The following GPR176 variants were observed in gnomAD, a reference collection of about 807,000 sequenced individuals.
GPR176 encodes G-protein coupled receptor 176.
A neutral mutation model predicts 35.4 loss-of-function variants in GPR176; 26 were observed. That is an observed-to-expected ratio of 0.74 (90% CI 0.54 to 1.02). The LOEUF is 1.02. Among genes scored for constraint, GPR176 ranks in the 50% least tolerant of loss-of-function variants. GPR176 has a pLI of 0.00. For synonymous variants in GPR176, 278 were observed against 271.3 expected (o/e 1.02, Z -0.24); for missense variants, 597 against 665.3 (o/e 0.90, Z 1.13).
At position 39,857,019 on chromosome 15, in the gene GPR176, A is replaced by G. The variant is rs138519388; in HGVS notation, c.173-49761T>C. 9.9e-4 allele frequency among the ~76,000 whole-genome samples: 150 copies of G among 152,216 alleles called. No homozygotes were observed. In the East Asian group the frequency reaches 0.019, roughly 19 times the overall value. On this transcript the variant is annotated intron_variant, in intron 1 of 2. Transcript: ENST00000561100. ...ACTGGTTGAGTTTGGGGAAGATTCCAGTGCACAGTAGGCATTCCATATATA... is the reference window on the plus strand; with the variant it reads ...ACTGGTTGAGTTTGGGGAAGATTCCGGTGCACAGTAGGCATTCCATATATA...
At chr15:39,894,267 C>A (rs2140863114) in intron 1 of GPR176, among the ~76,000 whole-genome samples, 1 of 111,876 alleles carries the variant, frequency 8.9e-6, no homozygotes, top group African/African-American at 2.8e-5. Context: ...GGGGCTGACC[C>A]CCCCACCTCC....
At chr15:39,906,566 C>G (rs2033428071) in intron 1 of GPR176, among the ~76,000 whole-genome samples, 1 of 152,240 alleles carries the variant, frequency 6.6e-6, no homozygotes, top group Non-Finnish European at 1.5e-5. Context: ...ACACATTATG[C>G]TGCCTGGTTT....
In GPR176 at chr15:39,800,830, A is replaced by C; in HGVS notation, c.*302T>G. The C allele has an allele frequency of 3.5e-6, 1 of 289,562 alleles. No individual in the cohort carries two copies. The highest frequency in any genetic ancestry group is 8.6e-5 in the East Asian group (1 of 11,632). 17.9% of individuals were successfully genotyped at this position (289,562 alleles called of 1,614,324 possible). On this transcript the variant is annotated 3_prime_UTR_variant, in exon 3 of 3. Transcript: ENST00000561100. ...CCCAGGGAAGTGAGGCATCCTCAGA[A>C]AGTGCACATGGGGTACCCACCTCAA...
chr15:39,885,391 T>C (rs1566962380), intron 1 of GPR176, among the ~76,000 whole-genome samples: 2 of 152,078 alleles, frequency 1.3e-5, no homozygotes, highest in Non-Finnish European at 2.9e-5. Flanking sequence ...AAAATGGAAA[T>C]GCAAAATAAA....
intron 1 of GPR176, among the ~76,000 whole-genome samples, chr15:39,886,242 A>G (rs1448868493): frequency 5.9e-5 from 9 of 152,092 alleles, no homozygotes; most frequent in Admixed American, 5.9e-4. Flanking sequence ...TCAAAAAAAA[A>G]AAGAAAGAAA....
chr15:39,917,048 G>A (rs2033743904), intron 1 of GPR176, among the ~76,000 whole-genome samples: 1 of 152,154 alleles, frequency 6.6e-6, no homozygotes, highest in Admixed American at 6.5e-5. Flanking sequence ...TCGGGAGGCT[G>A]CGGTGGGTTG....
Position 39,912,824 on chromosome 15 carries a change from T to C in GPR176, c.172+7031A>G, listed in dbSNP as rs1170889310. 2.0e-5 allele frequency among the ~76,000 whole-genome samples: 3 copies of C among 152,140 alleles called. No individual in the cohort carries two copies. The South Asian group carries it at 6.2e-4, about 31-fold the overall frequency. On this transcript the variant is annotated intron_variant, in intron 1 of 2. Transcript: ENST00000561100. ...TTCTTTGTTCCCATTTTGAGACAAA[T>C]TTCCTCCTAGTCTACAAAATGTCAC...
At chr15:39,826,493 C>A (rs1900660949) in intron 1 of GPR176, among the ~76,000 whole-genome samples, 1 of 152,054 alleles carries the variant, frequency 6.6e-6, no homozygotes, top group South Asian at 2.1e-4. Context: ...AGGTCCTCCC[C>A]ACCTACAGGG....
intron 1 of GPR176, among the ~76,000 whole-genome samples, chr15:39,825,023 A>T (rs1484102195): frequency 6.6e-6 from 1 of 152,120 alleles, no homozygotes; most frequent in Non-Finnish European, 1.5e-5. Flanking sequence ...TAGGCAACAC[A>T]GGGAGACCCT....
chr15:39,840,319 C>G (rs1901662778), intron 1 of GPR176, among the ~76,000 whole-genome samples: 1 of 152,154 alleles, frequency 6.6e-6, no homozygotes, highest in Admixed American at 6.5e-5. Flanking sequence ...AGGATGAGTT[C>G]ATGTCCTTTG....
chr15:39,844,318 C>G (rs1403523540), intron 1 of GPR176, among the ~76,000 whole-genome samples: 1 of 152,104 alleles, frequency 6.6e-6, no homozygotes, highest in Non-Finnish European at 1.5e-5. Context: ...ATTTAATATG[C>G]TCCCAGACGG....
intron 1 of GPR176, among the ~76,000 whole-genome samples, chr15:39,900,024 G>A (rs577959282): frequency 6.6e-6 from 1 of 151,972 alleles, no homozygotes; most frequent in African/African-American, 2.4e-5. Flanking sequence ...GTATCACTTA[G>A]AGCAATAATG....
chr15:39,912,553 G>A (rs1287382931), intron 1 of GPR176, among the ~76,000 whole-genome samples: 1 of 151,678 alleles, frequency 6.6e-6, no homozygotes, highest in Non-Finnish European at 1.5e-5. Flanking sequence ...GAGAGGTTGA[G>A]GCTGCAACGA....
chr15:39,917,906 G>A (rs1034440041), intron 1 of GPR176, among the ~76,000 whole-genome samples: 11 of 151,910 alleles, frequency 7.2e-5, no homozygotes, highest in African/African-American at 1.2e-4. Flanking sequence ...TTAGCCAGGC[G>A]TGGTGGTGGG....
intron 1 of GPR176, among the ~76,000 whole-genome samples, chr15:39,841,496 C>T (rs1026390664): frequency 2.0e-5 from 3 of 152,084 alleles, no homozygotes; most frequent in Admixed American, 2.0e-4. Flanking sequence ...GAGACAGACA[C>T]ACACAGGGAA....
chr15:39,879,823 C>T (rs181124826), intron 1 of GPR176, among the ~76,000 whole-genome samples: 3 of 152,204 alleles, frequency 2.0e-5, no homozygotes, highest in African/African-American at 4.8e-5. Flanking sequence ...ACTCCTTTAA[C>T]TCCTGTCATC....
chr15:39,848,915 T>TA (rs35585820), intron 1 of GPR176, among the ~76,000 whole-genome samples: 3,720 of 84,754 alleles, frequency 0.044, 139 homozygotes, highest in African/African-American at 0.14. Context: ...AAAAGCAAAG[T>TA]AAAAAAAAAA....
chr15:39,835,569 T>A (rs949064982), intron 1 of GPR176, among the ~76,000 whole-genome samples: 6 of 152,094 alleles, frequency 3.9e-5, no homozygotes, highest in African/African-American at 1.4e-4. Context: ...TCCCGAATAC[T>A]GGGCCCCCAT....
At chr15:39,913,769 G>A (rs777903267) in intron 1 of GPR176, among the ~76,000 whole-genome samples, 17 of 152,092 alleles carry the variant, frequency 1.1e-4, no homozygotes, top group African/African-American at 2.7e-4. Flanking sequence ...CGAGTTGGCC[G>A]GGCGCGGTGG....
Sources: gnomAD v4.1 joint callset for allele counts (sites outside exome capture counted in the v4.1 genomes callset) on GRCh38, gnomAD v4.1.1 for gene constraint, MANE v1.5 for transcripts, NCBI Gene and HGNC (gene_info 2026-07-23, HGNC 2026-07-21) for gene names.